Variants in DCC observed in about 807,000 individuals in gnomAD.
DCC encodes netrin receptor DCC.
In DCC, 58 loss-of-function variants were observed where a neutral mutation model predicts 172.5. The ratio of observed to expected loss-of-function variants is 0.34; its 90% confidence interval spans 0.27 to 0.42. The LOEUF (loss-of-function observed/expected upper bound fraction) is 0.42, where lower values mean the gene tolerates loss of function less well. DCC is among the 10% of genes least tolerant of loss of function. DCC has a pLI of 1.00. For missense variants in DCC, 1,740 were observed against 1,791.0 expected, an observed-to-expected ratio of 0.97 and a Z score of 0.51; for synonymous variants, 709 against 644.5, an observed-to-expected ratio of 1.10 and a Z score of -1.52.
chr18:52,595,654 G>A (rs990726619), intron 1 of DCC, among the ~76,000 whole-genome samples: 18 of 152,170 alleles, frequency 1.2e-4, no homozygotes, highest in Admixed American at 7.2e-4. Flanking sequence ...AGTCCATTCC[G>A]CTATCATCGC....
At position 53,157,884 on chromosome 18, in the gene DCC, C is replaced by CA. The variant is rs575530926; in HGVS notation, c.1418+378dup. Among the ~76,000 whole-genome samples the CA allele has an allele frequency of 3.4e-4, 52 of 152,106 alleles. No homozygotes were observed. In the East Asian group the frequency reaches 7.2e-3, roughly 21 times the overall value. Reference sequence around the variant, plus strand: ...TCTGTCATTGACATCACATGAGCTCCAAAAAACCACATGACTTCTCTGAGC... The same window carrying CA: ...TCTGTCATTGACATCACATGAGCTCCAAAAAAACCACATGACTTCTCTGAGC... On this transcript the variant is annotated intron_variant, in intron 8 of 28. Transcript: ENST00000442544.
intron 2 of DCC, among the ~76,000 whole-genome samples, chr18:52,839,951 G>A (rs558525985): frequency 1.3e-5 from 2 of 152,182 alleles, no homozygotes; most frequent in Non-Finnish European, 2.9e-5. Flanking sequence ...TCCCACTACA[G>A]GCCAATGGAT....
At chr18:52,639,508 TCA>T (rs1216484137) in intron 1 of DCC, among the ~76,000 whole-genome samples, 1 of 151,792 alleles carries the variant, frequency 6.6e-6, no homozygotes, top group Non-Finnish European at 1.5e-5. Context: ...ATACAAGAGA[TCA>T]TTCAAGGCTA....
intron 2 of DCC, among the ~76,000 whole-genome samples, chr18:52,860,381 T>A (rs1418743295): frequency 1.3e-5 from 2 of 152,168 alleles, no homozygotes; most frequent in East Asian, 3.9e-4. Flanking sequence ...TGGTTTTAAG[T>A]GATTCTAAGG....
intron 19 of DCC, among the ~76,000 whole-genome samples, chr18:53,406,212 GC>G (rs1909639789): frequency 6.6e-6 from 1 of 152,070 alleles, no homozygotes; most frequent in African/African-American, 2.4e-5. Flanking sequence ...TCATTTGATA[GC>G]CTAGTTTAAT....
At chr18:52,511,204 C>T (rs2031425565) in intron 1 of DCC, among the ~76,000 whole-genome samples, 1 of 148,536 alleles carries the variant, frequency 6.7e-6, no homozygotes, top group Non-Finnish European at 1.5e-5. Context: ...TCGCTTCAAC[C>T]TGGGAGGCAG....
chr18:53,222,860 T>A (rs1199901870), intron 12 of DCC, among the ~76,000 whole-genome samples: 1 of 152,158 alleles, frequency 6.6e-6, no homozygotes, highest in Admixed American at 6.6e-5. Context: ...TAAAACTCTG[T>A]CAAAGTTACT....
chr18:53,239,152 C>T (rs1470514905), intron 12 of DCC, among the ~76,000 whole-genome samples: 1 of 150,622 alleles, frequency 6.6e-6, no homozygotes, highest in Non-Finnish European at 1.5e-5. Flanking sequence ...ATGTAACTAA[C>T]CTGCACGTTG....
intron 2 of DCC, among the ~76,000 whole-genome samples, chr18:52,846,647 A>ACACACT (rs1555672677): frequency 1.3e-3 from 185 of 144,166 alleles, no homozygotes; most frequent in African/African-American, 3.8e-3. Flanking sequence ...ACACACACAC[A>ACACACT]CACACTTGGG....
chr18:52,810,941 A>G (rs1329980637), intron 2 of DCC, among the ~76,000 whole-genome samples: 3 of 152,182 alleles, frequency 2.0e-5, no homozygotes, highest in Non-Finnish European at 4.4e-5. Flanking sequence ...GGCAGATGGC[A>G]CGTTGTTTCA....
intron 1 of DCC, among the ~76,000 whole-genome samples, chr18:52,392,712 A>G (rs1465686869): frequency 6.6e-6 from 1 of 152,078 alleles, no homozygotes; most frequent in Non-Finnish European, 1.5e-5. Flanking sequence ...TGGGTGGTAC[A>G]TTATTTACTT....
intron 26 of DCC, among the ~76,000 whole-genome samples, chr18:53,488,539 T>C (rs1029964734): frequency 8.5e-5 from 13 of 152,216 alleles, no homozygotes. Context: ...AGTTTTCTTT[T>C]GAAAATTTAT....
intron 1 of DCC, among the ~76,000 whole-genome samples, chr18:52,499,972 G>A (rs555870723): frequency 2.3e-3 from 356 of 152,154 alleles, no homozygotes; most frequent in African/African-American, 8.2e-3. Context: ...TTTGCAGGCC[G>A]TTGGCTGAAA....
rs201075271 is a variant in DCC at position 52,389,503 on chromosome 18, AAAGATTT to A, written c.91+48627_91+48633del. ...AACATTTTACAGAGCACAGGTCAAT[AAAGATTT>A]ATCTGACCCAACCTGTCAATAGTGA... On this transcript the variant is annotated intron_variant, in intron 1 of 28. Coordinates refer to ENST00000442544, the MANE Select transcript of DCC (RefSeq NM_005215.4). Among the ~76,000 whole-genome samples the A allele has an allele frequency of 1.8e-3, 273 of 152,206 alleles. 6 individuals are homozygous for A. The East Asian group carries it at 0.038, about 21-fold the overall frequency.
chr18:52,577,685 G>A (rs2033447843), intron 1 of DCC, among the ~76,000 whole-genome samples: 1 of 152,086 alleles, frequency 6.6e-6, no homozygotes, highest in African/African-American at 2.4e-5. Flanking sequence ...AGAGCTTAGA[G>A]CAATCTCTAA....
At chr18:53,472,474 A>G (rs1009684921) in intron 25 of DCC, among the ~76,000 whole-genome samples, 1 of 152,120 alleles carries the variant, frequency 6.6e-6, no homozygotes, top group Non-Finnish European at 1.5e-5. Flanking sequence ...TCTTGTATTA[A>G]TAACTAAGTT....
chr18:52,739,361 T>C (rs981251131), intron 1 of DCC, among the ~76,000 whole-genome samples: 5 of 152,182 alleles, frequency 3.3e-5, no homozygotes, highest in Admixed American at 6.5e-5. Context: ...CTATGTTTGG[T>C]TATTCAACAG....
At chr18:52,440,611 T>C (rs78820564) in intron 1 of DCC, among the ~76,000 whole-genome samples, 1,549 of 152,312 alleles carry the variant, frequency 0.01, 63 homozygotes, top group Admixed American at 0.067. Context: ...ATTTTTATTT[T>C]ATTTTATTTC....
chr18:52,603,943 T>C (rs2144822630), intron 1 of DCC, among the ~76,000 whole-genome samples: 1 of 152,246 alleles, frequency 6.6e-6, no homozygotes, highest in East Asian at 1.9e-4. Flanking sequence ...TTTTGAAATT[T>C]GGCCATAATT....
Sources: allele counts gnomAD v4.1 joint callset (sites outside exome capture counted in the v4.1 genomes callset), GRCh38; gene constraint gnomAD v4.1.1; transcripts MANE v1.5; gene names NCBI Gene and HGNC (gene_info 2026-07-23, HGNC 2026-07-21).